The following FAT3 variants were observed in gnomAD, a reference collection of about 807,000 sequenced individuals.
FAT3 encodes FAT atypical cadherin 3.
FAT3 carries 95 observed loss-of-function variants against 310.2 expected under a neutral mutation model. The observed-to-expected ratio is 0.31, with a 90% CI of 0.26 to 0.36. FAT3 has a LOEUF of 0.36. Among genes scored for constraint, FAT3 ranks in the 10% least tolerant of loss-of-function variants. The pLI, the probability that FAT3 is intolerant of heterozygous loss-of-function variation, is 1.00. For missense variants in FAT3, 5,408 were observed against 5,715.6 expected (o/e 0.95, Z 1.74); for synonymous variants, 2,314 against 2,192.9 (o/e 1.06, Z -1.54).
chr11:92,349,164 G>C (rs960462132), intron 1 of FAT3, among the ~76,000 whole-genome samples: 1 of 152,136 alleles, frequency 6.6e-6, no homozygotes, highest in Non-Finnish European at 1.5e-5. Flanking sequence ...CTCAGCACAG[G>C]ATAGTGAGTG....
At chr11:92,878,667 AGC>A (rs1949598886) in intron 22 of FAT3, among the ~76,000 whole-genome samples, 11 of 61,762 alleles carry the variant, frequency 1.8e-4, no homozygotes, top group Non-Finnish European at 2.2e-4. Flanking sequence ...AAAAAAAAAA[AGC>A]TCCGCACAAA....
chr11:92,521,075 A>G (rs376353022), intron 2 of FAT3, among the ~76,000 whole-genome samples: 4 of 152,228 alleles, frequency 2.6e-5, no homozygotes, highest in South Asian at 4.1e-4. Flanking sequence ...GAAGAAAATA[A>G]TTTAGTGACT....
chr11:92,417,117 T>C (rs1184366336), intron 2 of FAT3, among the ~76,000 whole-genome samples: 1 of 152,232 alleles, frequency 6.6e-6, no homozygotes, highest in African/African-American at 2.4e-5. Context: ...CGTCACTGTT[T>C]TTGCATAACC....
chr11:92,490,594 G>A (rs994653690), intron 2 of FAT3, among the ~76,000 whole-genome samples: 1 of 151,954 alleles, frequency 6.6e-6, no homozygotes, highest in African/African-American at 2.4e-5. Flanking sequence ...CTTTTACCTA[G>A]AAGTGATTAT....
chr11:92,292,481 A>G (rs11019895), intron 1 of FAT3, among the ~76,000 whole-genome samples: 18,980 of 152,072 alleles, frequency 0.12, 1,390 homozygotes, highest in East Asian at 0.3. Flanking sequence ...TTTGTGTGAC[A>G]CTTGCCTTCT....
intron 3 of FAT3, among the ~76,000 whole-genome samples, chr11:92,655,422 A>G (rs1942542255): frequency 6.6e-6 from 1 of 152,244 alleles, no homozygotes; most frequent in Admixed American, 6.5e-5. Context: ...CTTTGGGACC[A>G]TGGACAAATC....
At position 92,412,742 on chromosome 11, in the gene FAT3, T is replaced by C. The variant is rs866020372; in HGVS notation, c.3292+57338T>C. Among the ~76,000 whole-genome samples, 37 of 58,796 alleles carry C rather than the reference T, an allele frequency of 6.3e-4. 3 individuals carry two copies. The highest frequency in any genetic ancestry group is 7.6e-4 in the Non-Finnish European group (23 of 30,184). The allele number at this position is 58,796 out of a possible 152,430, so 38.6% of individuals were successfully genotyped here. Reference sequence around the variant, plus strand: ...ATATATATATATATATATATATATATATAAATATACATACATATATATATA... The same window carrying C: ...ATATATATATATATATATATATATACATAAATATACATACATATATATATA... On this transcript the variant is annotated intron_variant, in intron 2 of 27. Coordinates refer to ENST00000525166, the MANE Select transcript of FAT3 (RefSeq NM_001367949.2).
chr11:92,624,475 A>C (rs1261757955), intron 3 of FAT3, among the ~76,000 whole-genome samples: 1 of 152,202 alleles, frequency 6.6e-6, no homozygotes, highest in African/African-American at 2.4e-5. Context: ...GGGTGCACTG[A>C]ATGTTTGAAA....
chr11:92,487,750 A>AT (rs1952462773), intron 2 of FAT3, among the ~76,000 whole-genome samples: 1 of 152,192 alleles, frequency 6.6e-6, no homozygotes. Context: ...GTATAATCTA[A>AT]TAGGGTTATT....
At chr11:92,339,536 C>A (rs942166277) in intron 1 of FAT3, among the ~76,000 whole-genome samples, 2 of 152,148 alleles carry the variant, frequency 1.3e-5, no homozygotes, top group Non-Finnish European at 2.9e-5. Flanking sequence ...AATAGTCTTA[C>A]TAAAATATAT....
intron 2 of FAT3, among the ~76,000 whole-genome samples, chr11:92,396,407 A>G (rs530716093): frequency 6.6e-6 from 1 of 152,314 alleles, no homozygotes; most frequent in South Asian, 2.1e-4. Flanking sequence ...CCAGAGGGGC[A>G]GAATTTACAA....
chr11:92,542,669 A>T (rs1424668071), intron 3 of FAT3, among the ~76,000 whole-genome samples: 1 of 152,030 alleles, frequency 6.6e-6, no homozygotes, highest in East Asian at 1.9e-4. Context: ...TATCAAAAAG[A>T]CAAAAATAAC....
chr11:92,244,153 C>T (rs552613316), intron 1 of FAT3, among the ~76,000 whole-genome samples: 80 of 152,156 alleles, frequency 5.3e-4, no homozygotes, highest in African/African-American at 1.9e-3. Flanking sequence ...AACATCAGAA[C>T]AGGGAGGTAA....
chr11:92,519,525 TA>T (rs1276868674), intron 2 of FAT3, among the ~76,000 whole-genome samples: 2 of 152,076 alleles, frequency 1.3e-5, no homozygotes, highest in African/African-American at 4.8e-5. Context: ...GAAAAATTGA[TA>T]AATTGTATAT....
intron 3 of FAT3, among the ~76,000 whole-genome samples, chr11:92,582,088 G>A (rs1938832976): frequency 6.6e-6 from 1 of 151,856 alleles, no homozygotes; most frequent in Non-Finnish European, 1.5e-5. Context: ...GTAACTTCCT[G>A]ACGTTGTCAT....
intron 27 of FAT3, 23 bp from the exon 28 acceptor site, chr11:92,890,468 C>T (rs1190920544): frequency 2.5e-6 from 4 of 1,589,286 alleles, no homozygotes; most frequent in Middle Eastern, 2.0e-4. Flanking sequence ...AGGAAATTAA[C>T]TGTCATGGTT....
At chr11:92,245,427 A>G (rs756243907) in intron 1 of FAT3, among the ~76,000 whole-genome samples, 1 of 152,102 alleles carries the variant, frequency 6.6e-6, no homozygotes, top group Admixed American at 6.5e-5. Flanking sequence ...CCACCATGGC[A>G]CATGTATACC....
At chr11:92,772,793 T>A (rs1234469605) in intron 6 of FAT3, among the ~76,000 whole-genome samples, 1 of 152,128 alleles carries the variant, frequency 6.6e-6, no homozygotes, top group Non-Finnish European at 1.5e-5. Flanking sequence ...AGGTTTTTTT[T>A]AAGTAAACCA....
intron 3 of FAT3, among the ~76,000 whole-genome samples, chr11:92,578,170 C>T (rs1051927673): frequency 6.6e-6 from 1 of 151,798 alleles, no homozygotes; most frequent in Non-Finnish European, 1.5e-5. Context: ...CAGAAAGTAA[C>T]AATTTGAGTT....
Sources: allele counts gnomAD v4.1 joint callset (sites outside exome capture counted in the v4.1 genomes callset), GRCh38; gene constraint gnomAD v4.1.1; transcripts MANE v1.5; gene names NCBI Gene and HGNC (gene_info 2026-07-23, HGNC 2026-07-21).